Variants in RAB2A observed in about 807,000 individuals in gnomAD.
The protein encoded by RAB2A is ras-related protein Rab-2A.
A neutral mutation model predicts 32.5 loss-of-function variants in RAB2A; 7 were observed. That is an observed-to-expected ratio of 0.22 (90% CI 0.12 to 0.40). RAB2A has a LOEUF of 0.40. RAB2A is among the 10% of genes least tolerant of loss of function. RAB2A has a pLI of 1.00. For synonymous variants in RAB2A, 79 were observed against 85.2 expected, an observed-to-expected ratio of 0.93 and a Z score of 0.40; for missense variants, 108 against 260.7, an observed-to-expected ratio of 0.41 and a Z score of 4.03.
chr8:60,575,462 A>C (rs892243085), intron 3 of RAB2A, among the ~76,000 whole-genome samples: 23 of 152,080 alleles, frequency 1.5e-4, no homozygotes, highest in African/African-American at 4.6e-4. Context: ...CATAGCATTA[A>C]TGTTTTACAG....
chr8:60,570,955 A>G (rs1407975450), intron 2 of RAB2A, among the ~76,000 whole-genome samples: 2 of 152,128 alleles, frequency 1.3e-5, no homozygotes, highest in Non-Finnish European at 2.9e-5. Context: ...GTTTCTGGGG[A>G]CCATGTGTGT....
chr8:60,533,094 G>A lies in RAB2A; in HGVS notation c.46+15841G>A, dbSNP rs190978726. On this transcript the variant is annotated intron_variant, in intron 1 of 7. Coordinates refer to ENST00000262646, the MANE Select transcript of RAB2A (RefSeq NM_002865.3). Reference sequence around the variant, plus strand: ...CCCAGTATTTGCTTGTAAAATAACCGTACAAATACTAAATGGAGGTCAGCT... The same window carrying A: ...CCCAGTATTTGCTTGTAAAATAACCATACAAATACTAAATGGAGGTCAGCT... 5.3e-5 allele frequency among the ~76,000 whole-genome samples: 8 copies of A among 152,266 alleles called. No individual in the cohort carries two copies. The East Asian group carries it at 9.6e-4, about 18-fold the overall frequency.
At position 60,615,206 on chromosome 8, in the gene RAB2A, C is replaced by T. The variant is rs146913325; in HGVS notation, c.475-3374C>T. 1.6e-3 allele frequency among the ~76,000 whole-genome samples: 243 copies of T among 152,144 alleles called. 2 individuals carry two copies. Among genetic ancestry groups the T allele is most frequent in the Non-Finnish European group, 2.4e-3 (163 of 68,008 alleles). ...GCAATTTCATGTAAGCCCACCTTAC[C>T]CTGTAGGTATTTCCTTGCTAAGGGT... On this transcript the variant is annotated intron_variant, in intron 6 of 7. Coordinates refer to ENST00000262646, the MANE Select transcript of RAB2A (RefSeq NM_002865.3).
intron 5 of RAB2A, among the ~76,000 whole-genome samples, chr8:60,585,541 A>G (rs138323300): frequency 1.3e-5 from 2 of 152,176 alleles, no homozygotes; most frequent in Non-Finnish European, 2.9e-5. Flanking sequence ...TCAGGCTCCT[A>G]ACCTCAAGTG....
At chr8:60,612,153 A>G (rs1414668169) in intron 6 of RAB2A, among the ~76,000 whole-genome samples, 2 of 152,170 alleles carry the variant, frequency 1.3e-5, no homozygotes, top group Admixed American at 6.5e-5. Context: ...TACAGGTCCC[A>G]GTGTGTGATG....
intron 3 of RAB2A, among the ~76,000 whole-genome samples, chr8:60,582,475 G>A (rs979159111): frequency 6.6e-6 from 1 of 152,118 alleles, no homozygotes; most frequent in African/African-American, 2.4e-5. Context: ...ATTATTTTAC[G>A]CATATAACTA....
rs116019397 is a variant in RAB2A at position 60,536,260 on chromosome 8, G to A, written c.46+19007G>A. 4.8e-3 allele frequency among the ~76,000 whole-genome samples: 724 copies of A among 152,232 alleles called. 5 individuals are homozygous for A. The highest frequency in any genetic ancestry group is 0.016 in the African/African-American group (651 of 41,540). ...CTAGTCTATGGGAATTTAGCAGTTTGATTTTGTTACTGTTAATACATTATT... is the reference window on the plus strand; with the variant it reads ...CTAGTCTATGGGAATTTAGCAGTTTAATTTTGTTACTGTTAATACATTATT... On this transcript the variant is annotated intron_variant, in intron 1 of 7. Transcript: ENST00000262646.
At chr8:60,572,499 C>G (rs1356871432) in intron 3 of RAB2A, among the ~76,000 whole-genome samples, 2 of 152,184 alleles carry the variant, frequency 1.3e-5, no homozygotes, top group Non-Finnish European at 2.9e-5. Context: ...GTCCTAACAA[C>G]TTGAAGTCAC....
At chr8:60,579,104 G>A (rs188478318) in intron 3 of RAB2A, among the ~76,000 whole-genome samples, 16 of 152,166 alleles carry the variant, frequency 1.1e-4, no homozygotes, top group Admixed American at 4.6e-4. Context: ...GTGCAGTGGC[G>A]CAATCTCAGC....
At chr8:60,571,556 GTA>G in intron 2 of RAB2A, among the ~76,000 whole-genome samples, 1 of 152,170 alleles carries the variant, frequency 6.6e-6, no homozygotes, top group Non-Finnish European at 1.5e-5. Context: ...TGTCTGGGAA[GTA>G]TGTTAAAACA....
chr8:60,597,224 A>G (rs1333625560), intron 6 of RAB2A, among the ~76,000 whole-genome samples: 1 of 152,236 alleles, frequency 6.6e-6, no homozygotes, highest in East Asian at 1.9e-4. Flanking sequence ...TGGATAAAGA[A>G]AATGTGGCAC....
chr8:60,604,311 T>G (rs1020714854), intron 6 of RAB2A, among the ~76,000 whole-genome samples: 3 of 152,158 alleles, frequency 2.0e-5, no homozygotes, highest in Non-Finnish European at 4.4e-5. Context: ...TCTTTATAAA[T>G]TACCCAGTCT....
chr8:60,607,549 TTA>T (rs1482138696), intron 6 of RAB2A, among the ~76,000 whole-genome samples: 2 of 152,066 alleles, frequency 1.3e-5, no homozygotes, highest in African/African-American at 2.4e-5. Context: ...AGTGCTGGGA[TTA>T]TGTCATGAGC....
At chr8:60,530,670 G>A (rs1807463054) in intron 1 of RAB2A, among the ~76,000 whole-genome samples, 1 of 152,040 alleles carries the variant, frequency 6.6e-6, no homozygotes, top group Admixed American at 6.5e-5. Flanking sequence ...CTAGGAGTCT[G>A]TATTTTAACA....
At chr8:60,526,163 GAA>G (rs1807385414) in intron 1 of RAB2A, among the ~76,000 whole-genome samples, 1 of 151,770 alleles carries the variant, frequency 6.6e-6, no homozygotes, top group Admixed American at 6.6e-5. Flanking sequence ...TCACTGGGAT[GAA>G]ATCCAGGTTT....
At chr8:60,590,758 A>T (rs957599855) in intron 5 of RAB2A, among the ~76,000 whole-genome samples, 2 of 151,812 alleles carry the variant, frequency 1.3e-5, no homozygotes, top group Admixed American at 6.6e-5. Flanking sequence ...ATATGGATAA[A>T]TTTGAAAAAC....
At chr8:60,536,469 C>A (rs17743567) in intron 1 of RAB2A, among the ~76,000 whole-genome samples, 3,678 of 152,198 alleles carry the variant, frequency 0.024, 66 homozygotes, top group Non-Finnish European at 0.037. Flanking sequence ...AAAAAGTTTT[C>A]TCTTCAAGCA....
At chr8:60,598,937 C>CAAAAA (rs56406651) in intron 6 of RAB2A, among the ~76,000 whole-genome samples, 4,195 of 40,842 alleles carry the variant, frequency 0.1, 206 homozygotes, top group Non-Finnish European at 0.14. Flanking sequence ...TGCAGTAAAG[C>CAAAAA]AAAAAAAAAA....
intron 1 of RAB2A, among the ~76,000 whole-genome samples, chr8:60,548,856 G>C (rs969428658): frequency 9.9e-5 from 15 of 151,496 alleles, no homozygotes; most frequent in Non-Finnish European, 1.3e-4. Context: ...GGTGGCTGCC[G>C]GGCAGAGACG....
Sources: gnomAD v4.1 joint callset for allele counts (sites outside exome capture counted in the v4.1 genomes callset) on GRCh38, gnomAD v4.1.1 for gene constraint, MANE v1.5 for transcripts, NCBI Gene and HGNC (gene_info 2026-07-23, HGNC 2026-07-21) for gene names.